Variants in FBXL4 observed in about 807,000 individuals in gnomAD.
The protein encoded by FBXL4 is F-box/LRR-repeat protein 4.
Under a neutral mutation model 58.9 loss-of-function variants are expected in FBXL4, and 40 were observed. The observed-to-expected ratio is 0.68, with a 90% confidence interval of 0.53 to 0.88. FBXL4 has a LOEUF of 0.88. FBXL4 is among the 40% of genes least tolerant of loss of function. The probability of loss-of-function intolerance (pLI) is 0.00; values close to 1 mark genes in which losing one functional copy is unlikely to be tolerated. For synonymous variants in FBXL4, 263 were observed against 265.5 expected (o/e 0.99, Z 0.09); for missense variants, 676 against 734.4 (o/e 0.92, Z 0.92).
chr6:98,912,400 G>C (rs918823227), intron 5 of FBXL4, among the ~76,000 whole-genome samples: 4 of 152,098 alleles, frequency 2.6e-5, no homozygotes, highest in Middle Eastern at 6.3e-3. Context: ...TGAAATGAAG[G>C]AAAAAATGTT....
At chr6:98,915,322 T>A (rs1772295271) in intron 5 of FBXL4, among the ~76,000 whole-genome samples, 1 of 152,152 alleles carries the variant, frequency 6.6e-6, no homozygotes, top group Non-Finnish European at 1.5e-5. Context: ...AAAACTACTT[T>A]AAAGTTCATA....
chr6:98,918,819 T>A (rs1772471314), intron 4 of FBXL4, among the ~76,000 whole-genome samples: 1 of 152,220 alleles, frequency 6.6e-6, no homozygotes, highest in Admixed American at 6.5e-5. Context: ...CAATAGTACA[T>A]AAGAATGATC....
At chr6:98,929,442 A>G (rs542273233) in intron 2 of FBXL4, among the ~76,000 whole-genome samples, 1 of 152,044 alleles carries the variant, frequency 6.6e-6, no homozygotes, top group African/African-American at 2.4e-5. Context: ...ATGGTGGCAC[A>G]TGACTGTAAT....
intron 7 of FBXL4, 34 bp from the exon 8 acceptor site, chr6:98,880,658 G>C (rs1562216988): frequency 6.6e-7 from 1 of 1,519,982 alleles, no homozygotes; most frequent in African/African-American, 1.4e-5. Context: ...GGCAAATATG[G>C]AAAGTGAATG....
intron 5 of FBXL4, among the ~76,000 whole-genome samples, chr6:98,916,496 G>T (rs1772353128): frequency 6.6e-6 from 1 of 151,958 alleles, no homozygotes; most frequent in African/African-American, 2.4e-5. Context: ...CATAAAAAAT[G>T]ATGAGTTCAT....
At chr6:98,907,973 G>T (rs1771876440) in intron 5 of FBXL4, among the ~76,000 whole-genome samples, 1 of 152,116 alleles carries the variant, frequency 6.6e-6, no homozygotes, top group South Asian at 2.1e-4. Flanking sequence ...TGCCCATGCT[G>T]TTGAACCCAA....
intron 2 of FBXL4, among the ~76,000 whole-genome samples, chr6:98,928,232 G>C (rs1442350098): frequency 1.3e-5 from 2 of 152,048 alleles, no homozygotes; most frequent in African/African-American, 4.8e-5. Context: ...TCATTGAGTA[G>C]GTAAACTTTT....
Position 98,926,895 on chromosome 6 carries a change from T to A in FBXL4, c.94A>T (p.Met32Leu). ...RARTATRGEM[M>L]NTHRAIESNS... ...GATTCTATAGCTCTATGGGTGTTCA[T>A]CATTTCTCCTCTTGTAGCTGTCCTG... The change falls in exon 4 of 10, where the codon ATG (methionine) becomes TTG (leucine). Residue 32 changes from methionine (M) to leucine (L), a missense_variant. Physicochemically the swap from Met to Leu is conservative, Grantham distance 15. Transcript: ENST00000369244. 6.2e-7 allele frequency: 1 copy of A among 1,614,200 alleles called. No homozygotes were observed. The highest frequency in any genetic ancestry group is 8.5e-7 in the Non-Finnish European group (1 of 1,180,022).
At chr6:98,938,355 T>C (rs544791234) in intron 1 of FBXL4, among the ~76,000 whole-genome samples, 2 of 152,290 alleles carry the variant, frequency 1.3e-5, no homozygotes, top group Admixed American at 6.5e-5. Flanking sequence ...TTAGGGACAT[T>C]GCATTTGGGG....
chr6:98,905,625 T>C lies in FBXL4; in HGVS notation c.904A>G (p.Arg302Gly), dbSNP rs772461568. ...AGTAGTTTGCAAGTCTGTGCTAATC[T>C]ACACAGGTCTGGTAGTGTAAGATGA... The part of the protein sequence containing the change: ...LNHLTLPDLC[R>G]LAQTCKLLSQ... The change falls in exon 6 of 10, where the codon AGA (arginine) becomes GGA (glycine). Residue 302 changes from arginine to glycine, a missense_variant. Physicochemically the swap from Arg to Gly is moderately radical, Grantham distance 125. Transcript: ENST00000369244. 3 of 1,613,926 alleles carry C rather than the reference T, an allele frequency of 1.9e-6. No individual in the cohort carries two copies. The highest frequency in any genetic ancestry group is 1.7e-4 in the Middle Eastern group (1 of 6,058).
intron 1 of FBXL4, among the ~76,000 whole-genome samples, chr6:98,942,563 T>C (rs1042221414): frequency 2.0e-5 from 3 of 152,108 alleles, no homozygotes; most frequent in African/African-American, 7.3e-5. Context: ...GCTCCTGCCA[T>C]GTAAGACCCT....
chr6:98,943,450 G>T (rs1773506141), intron 1 of FBXL4, among the ~76,000 whole-genome samples: 1 of 151,782 alleles, frequency 6.6e-6, no homozygotes, highest in Non-Finnish European at 1.5e-5. Context: ...GCATGCACCT[G>T]CAGTCCAGGC....
chr6:98,935,705 C>T (rs1247465029), intron 1 of FBXL4, among the ~76,000 whole-genome samples: 1 of 150,558 alleles, frequency 6.6e-6, no homozygotes, highest in Non-Finnish European at 1.5e-5. Flanking sequence ...AGGAGAATGG[C>T]GTGAACCCGG....
intron 1 of FBXL4, among the ~76,000 whole-genome samples, chr6:98,935,795 C>CAAAAAAAAAA (rs372124984): frequency 6.8e-5 from 8 of 117,628 alleles, no homozygotes; most frequent in African/African-American, 2.5e-4. Context: ...GACTCCGTCT[C>CAAAAAAAAAA]AAAAAAAAAA....
At chr6:98,939,102 A>G (rs1310123409) in intron 1 of FBXL4, among the ~76,000 whole-genome samples, 2 of 148,722 alleles carry the variant, frequency 1.3e-5, no homozygotes, top group South Asian at 2.1e-4. Flanking sequence ...AAAAAAAAAA[A>G]GAGAAGAGAA....
In FBXL4 at chr6:98,881,236, C is replaced by T. The variant is rs573872289; in HGVS notation, c.1318-612G>A. Among the ~76,000 whole-genome samples the T allele has an allele frequency of 7.2e-5, 11 of 152,268 alleles. No homozygotes were observed. In the South Asian group the frequency reaches 2.3e-3, roughly 32 times the overall value. ...TAATATGTACTTTCTAGTCATGTTCCTGCCATTTAAGCCCATCTATCCTGT... is the reference window on the plus strand; with the variant it reads ...TAATATGTACTTTCTAGTCATGTTCTTGCCATTTAAGCCCATCTATCCTGT... On this transcript the variant is annotated intron_variant, in intron 7 of 9. Coordinates refer to ENST00000369244, the MANE Select transcript of FBXL4 (RefSeq NM_001278716.2).
In FBXL4 at chr6:98,869,126, T is replaced by A. The variant is rs1770427868; in HGVS notation, c.*5152A>T. On this transcript the variant is annotated 3_prime_UTR_variant, in exon 10 of 10. Transcript: ENST00000369244. Reference sequence around the variant, plus strand: ...GTAGTATGTTGTCAAAAAAAGCAAATGAGGTGATGATTGGCAGTTAATGGT... The same window carrying A: ...GTAGTATGTTGTCAAAAAAAGCAAAAGAGGTGATGATTGGCAGTTAATGGT... The A allele has an allele frequency of 6.6e-6, 1 of 152,096 alleles. No individual in the cohort carries two copies. The highest frequency in any genetic ancestry group is 1.5e-5 in the Non-Finnish European group (1 of 68,012). The allele number at this position is 152,096 out of a possible 1,614,324, so 9.4% of individuals were successfully genotyped here.
chr6:98,943,107 T>C (rs1773493171), intron 1 of FBXL4, among the ~76,000 whole-genome samples: 1 of 151,468 alleles, frequency 6.6e-6, no homozygotes, highest in Non-Finnish European at 1.5e-5. Flanking sequence ...ATTGTATCAA[T>C]GTCAATTTCC....
chr6:98,904,218 G>A (rs193189175), intron 6 of FBXL4, among the ~76,000 whole-genome samples: 15 of 152,232 alleles, frequency 9.9e-5, no homozygotes, highest in African/African-American at 3.6e-4. Flanking sequence ...TGAAATATGT[G>A]TGTTTGGGGC....
Sources: gnomAD v4.1 joint callset for allele counts (sites outside exome capture counted in the v4.1 genomes callset) on GRCh38, gnomAD v4.1.1 for gene constraint, MANE v1.5 for transcripts, NCBI Gene and HGNC (gene_info 2026-07-23, HGNC 2026-07-21) for gene names.